The following NRXN3 variants were observed in gnomAD, a reference collection of about 807,000 sequenced individuals.
The protein encoded by NRXN3 is neurexin 3.
NRXN3 carries 32 observed loss-of-function variants against 137.6 expected under a neutral mutation model. The observed-to-expected ratio is 0.23, with a 90% CI of 0.18 to 0.31. The LOEUF is 0.31. Ranked by LOEUF, NRXN3 falls within the 10% of genes least tolerant of loss-of-function variation. NRXN3 has a pLI of 1.00. For missense variants in NRXN3, 1,574 were observed against 2,062.5 expected (o/e 0.76, Z 4.59); for synonymous variants, 798 against 784.5 (o/e 1.02, Z -0.29).
At chr14:79,665,569 A>ATCTC in intron 17 of NRXN3, among the ~76,000 whole-genome samples, 1 of 152,128 alleles carries the variant, frequency 6.6e-6, no homozygotes. Flanking sequence ...AAAAAAATCA[A>ATCTC]TCTCTCTCTC....
chr14:78,781,505 G>A (rs1267993405), intron 8 of NRXN3, among the ~76,000 whole-genome samples: 1 of 152,178 alleles, frequency 6.6e-6, no homozygotes, highest in East Asian at 1.9e-4. Flanking sequence ...TGAGATGTGT[G>A]TGCTGAGTGC....
intron 4 of NRXN3, among the ~76,000 whole-genome samples, chr14:78,577,756 C>T (rs556604563): frequency 2.6e-5 from 4 of 152,192 alleles, no homozygotes; most frequent in South Asian, 2.1e-4. Context: ...TTTAATGTTG[C>T]GTACAGAAAC....
chr14:79,144,814 CT>C (rs1264739045), intron 15 of NRXN3, among the ~76,000 whole-genome samples: 2 of 152,158 alleles, frequency 1.3e-5, no homozygotes, highest in South Asian at 2.1e-4. Flanking sequence ...TTTCTTCCTT[CT>C]TTTTTCTTCC....
At chr14:78,752,580 G>A (rs1169618098) in intron 8 of NRXN3, among the ~76,000 whole-genome samples, 1 of 152,148 alleles carries the variant, frequency 6.6e-6, no homozygotes, top group Non-Finnish European at 1.5e-5. Context: ...AGGGCTCTAT[G>A]GGGATTCTTA....
In NRXN3 at chr14:79,638,627, A is replaced by C. The variant is rs551991106; in HGVS notation, c.3445-25151A>C. 2.6e-3 allele frequency among the ~76,000 whole-genome samples: 401 copies of C among 152,338 alleles called. 2 individuals carry two copies. Among genetic ancestry groups the C allele is most frequent in the Non-Finnish European group, 2.6e-3 (175 of 68,032 alleles). On this transcript the variant is annotated intron_variant, in intron 16 of 20. Coordinates refer to ENST00000335750, the MANE Select transcript of NRXN3 (RefSeq NM_001330195.2). ...GTATAAAAACATATTTTTTTATCTA[A>C]CTATATTTTTCATGCAGTCATTTCA...
chr14:79,047,073 C>T (rs1547534), intron 15 of NRXN3, among the ~76,000 whole-genome samples: 1 of 149,866 alleles, frequency 6.7e-6, no homozygotes, highest in Admixed American at 6.7e-5. Flanking sequence ...TAAGTGTTCC[C>T]AATATATAGA....
intron 6 of NRXN3, among the ~76,000 whole-genome samples, chr14:78,697,509 C>A (rs1264177155): frequency 6.6e-6 from 1 of 151,846 alleles, no homozygotes; most frequent in Non-Finnish European, 1.5e-5. Context: ...ATTTGTGTAA[C>A]TGGTAGTGAA....
At chr14:79,121,033 A>G (rs781433378) in intron 15 of NRXN3, among the ~76,000 whole-genome samples, 17 of 152,212 alleles carry the variant, frequency 1.1e-4, no homozygotes, top group Non-Finnish European at 2.5e-4. Flanking sequence ...TACTCTGAGC[A>G]TTACAGATGG....
chr14:79,368,911 T>A (rs1393352048), intron 15 of NRXN3, among the ~76,000 whole-genome samples: 2 of 152,206 alleles, frequency 1.3e-5, no homozygotes, highest in Non-Finnish European at 2.9e-5. Flanking sequence ...AATAATTACA[T>A]CAAAAGGCCA....
chr14:79,466,236 T>C (rs534694111), intron 15 of NRXN3, among the ~76,000 whole-genome samples: 3 of 152,242 alleles, frequency 2.0e-5, no homozygotes, highest in African/African-American at 7.2e-5. Context: ...GAAAAGAAAA[T>C]GTATTTAATG....
At chr14:78,688,448 G>T (rs1428076495) in intron 6 of NRXN3, among the ~76,000 whole-genome samples, 1 of 152,138 alleles carries the variant, frequency 6.6e-6, no homozygotes, top group African/African-American at 2.4e-5. Context: ...ATTGGATCTG[G>T]CAAGCTATTG....
At chr14:78,520,311 T>C (rs1225766710) in intron 4 of NRXN3, among the ~76,000 whole-genome samples, 1 of 152,226 alleles carries the variant, frequency 6.6e-6, no homozygotes, top group African/African-American at 2.4e-5. Flanking sequence ...AGTGAAGTCC[T>C]TTAACTTCTT....
At chr14:78,383,751 G>A (rs996101432) in intron 4 of NRXN3, among the ~76,000 whole-genome samples, 1 of 152,166 alleles carries the variant, frequency 6.6e-6, no homozygotes, top group African/African-American at 2.4e-5. Context: ...GGCTCATAAT[G>A]TCTACCTTGA....
intron 2 of NRXN3, among the ~76,000 whole-genome samples, chr14:78,251,843 A>G (rs577179862): frequency 1.3e-5 from 2 of 152,164 alleles, no homozygotes; most frequent in Admixed American, 6.5e-5. Flanking sequence ...TGAAGTTGGG[A>G]GGTTTAGTTT....
At chr14:79,808,646 G>A (rs2140762112) in intron 20 of NRXN3, among the ~76,000 whole-genome samples, 1 of 152,118 alleles carries the variant, frequency 6.6e-6, no homozygotes, top group African/African-American at 2.4e-5. Context: ...TTTTCTAGCT[G>A]TCTCCGTTTA....
intron 16 of NRXN3, among the ~76,000 whole-genome samples, chr14:79,619,794 C>G (rs2098202139): frequency 6.6e-6 from 1 of 152,196 alleles, no homozygotes; most frequent in African/African-American, 2.4e-5. Context: ...ATCTCCCAAT[C>G]TACTGATAAA....
intron 15 of NRXN3, among the ~76,000 whole-genome samples, chr14:79,396,654 CAGG>C (rs1398010756): frequency 6.6e-6 from 1 of 152,084 alleles, no homozygotes; most frequent in Non-Finnish European, 1.5e-5. Context: ...AAATTTCTAC[CAGG>C]AGGGTGGCAG....
intron 4 of NRXN3, among the ~76,000 whole-genome samples, chr14:78,552,344 G>C (rs529621664): frequency 1.1e-4 from 16 of 152,296 alleles, no homozygotes; most frequent in African/African-American, 3.6e-4. Context: ...TCAACACACA[G>C]GATGGTGATA....
intron 15 of NRXN3, among the ~76,000 whole-genome samples, chr14:79,391,922 G>T (rs896867020): frequency 6.6e-6 from 1 of 152,176 alleles, no homozygotes; most frequent in African/African-American, 2.4e-5. Flanking sequence ...AGAAGTCTAT[G>T]TTCTATAGTC....
Sources: gnomAD v4.1 joint callset for allele counts (sites outside exome capture counted in the v4.1 genomes callset) on GRCh38, gnomAD v4.1.1 for gene constraint, MANE v1.5 for transcripts, NCBI Gene and HGNC (gene_info 2026-07-23, HGNC 2026-07-21) for gene names.